The following ACAP2 variants were observed in gnomAD, a reference collection of about 807,000 sequenced individuals.
ACAP2 encodes ArfGAP with coiled-coil, ankyrin repeat and PH domains 2.
ACAP2 carries 39 observed loss-of-function variants against 115.8 expected under a neutral mutation model. That is an observed-to-expected ratio of 0.34 (90% CI 0.26 to 0.44). The LOEUF (loss-of-function observed/expected upper bound fraction) is 0.44. Ranked by LOEUF, ACAP2 falls within the 20% of genes least tolerant of loss-of-function variation. ACAP2 has a pLI of 1.00. For synonymous variants in ACAP2, 289 were observed against 315.8 expected (o/e 0.92, Z 0.90); for missense variants, 662 against 927.6 (o/e 0.71, Z 3.72).
At chr3:195,299,709 G>C (rs1365852942) in intron 15 of ACAP2, among the ~76,000 whole-genome samples, 1 of 151,966 alleles carries the variant, frequency 6.6e-6, no homozygotes, top group Non-Finnish European at 1.5e-5. Flanking sequence ...GTGGTGGTGG[G>C]CACCTGTAGT....
chr3:195,308,718 A>G lies in ACAP2; in HGVS notation c.909+68T>C. The G allele has an allele frequency of 3.8e-6, 5 of 1,313,082 alleles. No homozygotes were observed. In the South Asian group the frequency reaches 6.3e-5, roughly 17 times the overall value. The allele number at this position is 1,313,082 out of a possible 1,614,324, so 81.3% of individuals were successfully genotyped here. ...ACACAAATGAGTATGTATAGACTTC[A>G]ATGTTTACCAAAACAGATAAATAAC... On this transcript the variant is annotated intron_variant, in intron 11 of 22. Transcript: ENST00000326793.
At chr3:195,424,257 G>GTATATATATATA (rs1714448520) in intron 1 of ACAP2, among the ~76,000 whole-genome samples, 1 of 72,684 alleles carries the variant, frequency 1.4e-5, no homozygotes, top group African/African-American at 5.3e-5. Context: ...GTGTGTGTGT[G>GTATATATATATA]TGTGTATATA....
chr3:195,412,471 G>A (rs1339401651), intron 1 of ACAP2, among the ~76,000 whole-genome samples: 1 of 151,878 alleles, frequency 6.6e-6, no homozygotes, highest in Non-Finnish European at 1.5e-5. Context: ...AATCGGCTGG[G>A]CGTGGTGGCA....
intron 1 of ACAP2, among the ~76,000 whole-genome samples, chr3:195,441,425 G>GT (rs1007373254): frequency 3.3e-5 from 5 of 152,132 alleles, no homozygotes; most frequent in African/African-American, 9.7e-5. Flanking sequence ...AAGGAAGTGG[G>GT]TTTTTTTAAA....
chr3:195,385,041 C>A (rs1035356320), intron 2 of ACAP2, among the ~76,000 whole-genome samples: 20 of 152,032 alleles, frequency 1.3e-4, no homozygotes, highest in Admixed American at 1.1e-3. Flanking sequence ...CAACAAACTT[C>A]CATTTCTTCT....
Position 195,425,355 on chromosome 3 carries a change from C to A in ACAP2, c.53+17440G>T, listed in dbSNP as rs76589160. Among the ~76,000 whole-genome samples, 1,015 of 152,184 alleles carry A rather than the reference C, an allele frequency of 6.7e-3. 13 individuals are homozygous for A. Among genetic ancestry groups the A allele is most frequent in the Middle Eastern group, 0.034 (10 of 294 alleles). Reference sequence around the variant, plus strand: ...ATCGTTTTGCAATTCATCAATTGTACAATAACAGAAAAATTCCTCAAATAA... The same window carrying A: ...ATCGTTTTGCAATTCATCAATTGTAAAATAACAGAAAAATTCCTCAAATAA... On this transcript the variant is annotated intron_variant, in intron 1 of 22. Transcript: ENST00000326793.
At chr3:195,350,692 G>A (rs902885473) in intron 4 of ACAP2, among the ~76,000 whole-genome samples, 2 of 150,476 alleles carry the variant, frequency 1.3e-5, no homozygotes, top group East Asian at 1.9e-4. Flanking sequence ...GATCAATAAA[G>A]CAGAAATTAC....
chr3:195,303,085 G>A (rs368550275), intron 13 of ACAP2, among the ~76,000 whole-genome samples: 10 of 152,172 alleles, frequency 6.6e-5, no homozygotes, highest in African/African-American at 1.2e-4. Context: ...GCGTGGTGGC[G>A]CACACCTGTG....
chr3:195,435,445 G>A (rs1331185628), intron 1 of ACAP2, among the ~76,000 whole-genome samples: 1 of 151,776 alleles, frequency 6.6e-6, no homozygotes, highest in Admixed American at 6.6e-5. Context: ...GGATTACAGG[G>A]ATGAGCCACT....
intron 1 of ACAP2, among the ~76,000 whole-genome samples, chr3:195,408,383 G>A (rs943963049): frequency 6.6e-6 from 1 of 152,056 alleles, no homozygotes. Flanking sequence ...AAAATCACTT[G>A]AGCCCGAAAA....
Position 195,275,052 on chromosome 3 carries a change from C to T in ACAP2, c.*4276G>A, listed in dbSNP as rs1464287805. The T allele has an allele frequency of 6.6e-6, 1 of 152,604 alleles. No individual in the cohort carries two copies. Among genetic ancestry groups the T allele is most frequent in the Non-Finnish European group, 1.5e-5 (1 of 68,030 alleles). 9.5% of individuals were successfully genotyped at this position (152,604 alleles called of 1,614,324 possible). On this transcript the variant is annotated 3_prime_UTR_variant, in exon 23 of 23. Coordinates refer to ENST00000326793, the MANE Select transcript of ACAP2 (RefSeq NM_012287.6). ...AGAAATATCACAAAGCATGAGTAAA[C>T]ACATATATAAAAGTAGCTCATCATT...
intron 4 of ACAP2, among the ~76,000 whole-genome samples, chr3:195,366,125 G>GT (rs1274696015): frequency 6.6e-6 from 1 of 152,150 alleles, no homozygotes; most frequent in Non-Finnish European, 1.5e-5. Context: ...GATTACAGGC[G>GT]TGAGCTACCA....
At chr3:195,286,815 T>G (rs1454090354) in intron 21 of ACAP2, among the ~76,000 whole-genome samples, 3 of 152,218 alleles carry the variant, frequency 2.0e-5, no homozygotes, top group Non-Finnish European at 4.4e-5. Flanking sequence ...TGAAAACAGA[T>G]TATTTTTAAG....
At chr3:195,352,341 T>C (rs1234671522) in intron 4 of ACAP2, among the ~76,000 whole-genome samples, 1 of 152,164 alleles carries the variant, frequency 6.6e-6, no homozygotes, top group East Asian at 1.9e-4. Flanking sequence ...TAACAACACA[T>C]TTCTCAGAAT....
chr3:195,285,120 T>A (rs1055222117), intron 22 of ACAP2, among the ~76,000 whole-genome samples: 12 of 152,372 alleles, frequency 7.9e-5, no homozygotes, highest in African/African-American at 2.9e-4. Flanking sequence ...AATGTACAAC[T>A]GCCTGGAGGC....
intron 12 of ACAP2, chr3:195,306,973 TAATA>T: frequency 2.7e-6 from 1 of 374,020 alleles, no homozygotes; most frequent in Non-Finnish European, 4.8e-6. Context: ...CAATTCATCA[TAATA>T]GCTAAAACTT....
chr3:195,427,420 C>T (rs4677671), intron 1 of ACAP2, among the ~76,000 whole-genome samples: 1 of 151,798 alleles, frequency 6.6e-6, no homozygotes, highest in African/African-American at 2.4e-5. Flanking sequence ...AAAGGTGATA[C>T]CTTCTCGGAG....
intron 2 of ACAP2, among the ~76,000 whole-genome samples, chr3:195,386,061 A>G (rs1274660430): frequency 6.6e-6 from 1 of 152,256 alleles, no homozygotes; most frequent in Non-Finnish European, 1.5e-5. Context: ...TTATCCAGCT[A>G]TAAAAACAAA....
chr3:195,324,339 A>G (rs932088899), intron 9 of ACAP2, among the ~76,000 whole-genome samples: 2 of 152,214 alleles, frequency 1.3e-5, no homozygotes, highest in African/African-American at 4.8e-5. Context: ...ATAACACAGG[A>G]TATACCACAG....
Sources: gnomAD v4.1 joint callset for allele counts (sites outside exome capture counted in the v4.1 genomes callset) on GRCh38, gnomAD v4.1.1 for gene constraint, MANE v1.5 for transcripts, NCBI Gene and HGNC (gene_info 2026-07-23, HGNC 2026-07-21) for gene names.